Variants in CHST9 observed in about 807,000 individuals in gnomAD.
The protein encoded by CHST9 is carbohydrate sulfotransferase 9.
CHST9 carries 41 observed loss-of-function variants against 44.4 expected under a neutral mutation model. That is an observed-to-expected ratio of 0.92 (90% CI 0.72 to 1.20). The LOEUF (loss-of-function observed/expected upper bound fraction) is 1.20. CHST9 is among the 50% of genes most tolerant of loss of function. The pLI, the probability that CHST9 is intolerant of heterozygous loss-of-function variation, is 0.00. For synonymous variants in CHST9, 171 were observed against 178.4 expected (o/e 0.96, Z 0.33); for missense variants, 504 against 516.5 (o/e 0.98, Z 0.23).
rs116315368 is a variant in CHST9, at chr18:27,065,614, G to A, written c.122-17111C>T. On this transcript the variant is annotated intron_variant, in intron 2 of 5. Coordinates refer to ENST00000618847, the MANE Select transcript of CHST9 (RefSeq NM_031422.6). The stretch of plus-strand genomic sequence containing the variant: ...TTTTTTTTTTTTTTGAGAGAGATAA[G>A]GTTTAATGACCCTGAAAATAGTAAG... Among the ~76,000 whole-genome samples the A allele has an allele frequency of 6.7e-3, 904 of 134,108 alleles. 16 individuals carry two copies. The highest frequency in any genetic ancestry group is 0.023 in the African/African-American group (859 of 37,476). The allele number at this position is 134,108 out of a possible 152,430, so 88.0% of individuals were successfully genotyped here.
At chr18:27,030,142 T>C (rs1040676813) in intron 3 of CHST9, among the ~76,000 whole-genome samples, 4 of 152,236 alleles carry the variant, frequency 2.6e-5, no homozygotes, top group African/African-American at 9.6e-5. Context: ...CTCAGATTTC[T>C]ATGACTTCAC....
intron 2 of CHST9, among the ~76,000 whole-genome samples, chr18:27,104,084 G>A (rs1274809264): frequency 6.6e-6 from 1 of 152,068 alleles, no homozygotes; most frequent in African/African-American, 2.4e-5. Flanking sequence ...GCCATTACCT[G>A]CTATCTTACC....
rs116522920 is a variant in CHST9 at position 27,174,489 on chromosome 18, A to T, written c.-97+10647T>A. On this transcript the variant is annotated intron_variant, in intron 1 of 5. Coordinates refer to ENST00000618847, the MANE Select transcript of CHST9 (RefSeq NM_031422.6). ...TAGTGATGTCAAGTCTGATCATTTG[A>T]TTAGCTGGTATCTGTCAGACACCAA... 2.8e-3 allele frequency among the ~76,000 whole-genome samples: 422 copies of T among 152,112 alleles called. 2 individuals carry two copies. Among genetic ancestry groups the T allele is most frequent in the African/African-American group, 9.0e-3 (376 of 41,550 alleles).
At chr18:26,971,115 G>C (rs962875467) in intron 4 of CHST9, among the ~76,000 whole-genome samples, 16 of 152,110 alleles carry the variant, frequency 1.1e-4, no homozygotes, top group African/African-American at 3.6e-4. Flanking sequence ...ATGATTCTGA[G>C]CACATCTTCT....
In CHST9 at chr18:27,026,178, G is replaced by C. The variant is rs532621522; in HGVS notation, c.161-2021C>G. ...ATCTGGCAATTTCTTAAGGATGTCT[G>C]GAGACCTGATATTAGGGCATTACAA... On this transcript the variant is annotated intron_variant, in intron 3 of 5. Coordinates refer to ENST00000618847, the MANE Select transcript of CHST9 (RefSeq NM_031422.6). 7.2e-5 allele frequency among the ~76,000 whole-genome samples: 11 copies of C among 152,224 alleles called. No individual in the cohort carries two copies. In the East Asian group the frequency reaches 1.7e-3, roughly 24 times the overall value.
chr18:26,969,403 T>C (rs1456227682), intron 4 of CHST9, among the ~76,000 whole-genome samples: 1 of 151,950 alleles, frequency 6.6e-6, no homozygotes, highest in Non-Finnish European at 1.5e-5. Context: ...TGTGTGTGTG[T>C]GTTAAGCCCT....
chr18:27,055,127 G>A (rs947528800), intron 2 of CHST9, among the ~76,000 whole-genome samples: 4 of 151,992 alleles, frequency 2.6e-5, no homozygotes, highest in Non-Finnish European at 5.9e-5. Context: ...CTGTTGCTAG[G>A]ATACCTGAGA....
intron 1 of CHST9, among the ~76,000 whole-genome samples, chr18:27,179,780 C>T (rs2058897685): frequency 6.6e-6 from 1 of 152,058 alleles, no homozygotes; most frequent in African/African-American, 2.4e-5. Context: ...ATTTCATGTA[C>T]TCTATCTTCT....
chr18:27,176,691 C>A (rs150036891), intron 1 of CHST9, among the ~76,000 whole-genome samples: 4 of 152,116 alleles, frequency 2.6e-5, no homozygotes, highest in African/African-American at 7.2e-5. Flanking sequence ...GAGTGTTCTG[C>A]ATTAAATATA....
At chr18:27,014,100 A>G (rs2057117496) in intron 4 of CHST9, among the ~76,000 whole-genome samples, 1 of 152,198 alleles carries the variant, frequency 6.6e-6, no homozygotes, top group African/African-American at 2.4e-5. Context: ...CAAGCCTACA[A>G]GAACATGTGC....
intron 2 of CHST9, among the ~76,000 whole-genome samples, chr18:27,052,951 T>C (rs1331640271): frequency 6.6e-6 from 1 of 151,682 alleles, no homozygotes; most frequent in Non-Finnish European, 1.5e-5. Context: ...GGGAGAGCAT[T>C]ATGACAAATA....
chr18:27,138,699 G>A (rs2058538226), intron 2 of CHST9, among the ~76,000 whole-genome samples: 1 of 152,134 alleles, frequency 6.6e-6, no homozygotes, highest in Non-Finnish European at 1.5e-5. Context: ...TGCTTTGCAA[G>A]CATTGTCTCC....
In CHST9 at chr18:26,914,606, A is replaced by C. The variant is rs2145039285; in HGVS notation, c.*1653T>G. 1 of 254,030 alleles carries C rather than the reference A, an allele frequency of 3.9e-6. No individual in the cohort carries two copies. Among genetic ancestry groups the C allele is most frequent in the East Asian group, 6.9e-5 (1 of 14,418 alleles). 15.7% of individuals were successfully genotyped at this position (254,030 alleles called of 1,614,324 possible). On this transcript the variant is annotated 3_prime_UTR_variant, in exon 6 of 6. Transcript: ENST00000618847. Reference sequence around the variant, plus strand: ...AGTAAAAGGTTGGATTAGAAGGTTTAATACTTTTGATCTCTCAGCCCATTG... The same window carrying C: ...AGTAAAAGGTTGGATTAGAAGGTTTCATACTTTTGATCTCTCAGCCCATTG...
intron 5 of CHST9, among the ~76,000 whole-genome samples, chr18:26,939,738 G>T (rs1296750127): frequency 6.6e-6 from 1 of 152,154 alleles, no homozygotes; most frequent in Non-Finnish European, 1.5e-5. Flanking sequence ...CTTCACGGGG[G>T]AAACAGGACG....
intron 4 of CHST9, among the ~76,000 whole-genome samples, chr18:26,969,084 C>T (rs1456858881): frequency 1.5e-4 from 23 of 151,612 alleles, no homozygotes; most frequent in African/African-American, 4.6e-4. Context: ...CTGCAAGCTC[C>T]GCCTCCCGGG....
chr18:26,997,419 ACTT>A (rs1200847970), intron 4 of CHST9, among the ~76,000 whole-genome samples: 4 of 152,210 alleles, frequency 2.6e-5, no homozygotes, highest in African/African-American at 2.4e-5. Context: ...GGGTTTGGTT[ACTT>A]CTTCTTACAT....
chr18:27,140,722 A>C (rs185526581), intron 2 of CHST9, among the ~76,000 whole-genome samples: 34 of 152,278 alleles, frequency 2.2e-4, no homozygotes, highest in African/African-American at 8.2e-4. Flanking sequence ...AAGGCTTACT[A>C]TGTTACAGGA....
At chr18:27,092,943 T>C (rs546678066) in intron 2 of CHST9, among the ~76,000 whole-genome samples, 237 of 152,350 alleles carry the variant, frequency 1.6e-3, no homozygotes, top group African/African-American at 5.2e-3. Flanking sequence ...TGGAGAGTTC[T>C]ATAGATGTCT....
chr18:27,150,403 C>T (rs1436877233), intron 1 of CHST9, among the ~76,000 whole-genome samples: 17 of 152,122 alleles, frequency 1.1e-4, no homozygotes, highest in Admixed American at 9.8e-4. Flanking sequence ...CTTTTACTTC[C>T]ACCTTCTTTC....
Sources: gnomAD v4.1 joint callset for allele counts (sites outside exome capture counted in the v4.1 genomes callset) on GRCh38, gnomAD v4.1.1 for gene constraint, MANE v1.5 for transcripts, NCBI Gene and HGNC (gene_info 2026-07-23, HGNC 2026-07-21) for gene names.